Variants in CLVS1 observed in about 807,000 individuals in gnomAD.
The protein encoded by CLVS1 is clavesin 1.
CLVS1 carries 10 observed loss-of-function variants against 33.1 expected under a neutral mutation model. The observed-to-expected ratio is 0.30, with a 90% CI of 0.19 to 0.51. CLVS1 has a LOEUF of 0.51. Ranked by LOEUF, CLVS1 falls within the 20% of genes least tolerant of loss-of-function variation. CLVS1 has a pLI of 0.97. For missense variants in CLVS1, 343 were observed against 433.4 expected (o/e 0.79, Z 1.85); for synonymous variants, 163 against 166.1 (o/e 0.98, Z 0.14).
chr8:61,314,891 T>A (rs1176838632), intron 2 of CLVS1, among the ~76,000 whole-genome samples: 2 of 152,242 alleles, frequency 1.3e-5, no homozygotes, highest in Non-Finnish European at 2.9e-5. Flanking sequence ...GCTTGTTGAA[T>A]TATGTGTTAT....
At chr8:61,267,304 A>G (rs747773007) in intron 2 of CLVS1, among the ~76,000 whole-genome samples, 1 of 152,074 alleles carries the variant, frequency 6.6e-6, no homozygotes, top group African/African-American at 2.4e-5. Flanking sequence ...TCATTTTTCA[A>G]TTATGTATTT....
chr8:60,970,762 T>C, the CLVS1 span, among the ~76,000 whole-genome samples: 1 of 152,238 alleles, frequency 6.6e-6, no homozygotes, highest in Admixed American at 6.5e-5. Context: ...ACTTGGTATA[T>C]GTCATGCCAT....
upstream of CLVS1, among the ~76,000 whole-genome samples, chr8:61,285,110 T>C (rs948782671): frequency 1.3e-5 from 2 of 152,114 alleles, no homozygotes; most frequent in Non-Finnish European, 2.9e-5. Context: ...TGTGGAGCCT[T>C]ACAGAATTAA....
At chr8:61,321,670 A>G (rs1345587508) in intron 2 of CLVS1, among the ~76,000 whole-genome samples, 2 of 152,122 alleles carry the variant, frequency 1.3e-5, no homozygotes, top group Non-Finnish European at 2.9e-5. Flanking sequence ...TCCTCCTACC[A>G]GGGTGACCCT....
intron 1 of CLVS1, among the ~76,000 whole-genome samples, chr8:61,099,386 T>C (rs916663785): frequency 1.3e-5 from 2 of 152,078 alleles, no homozygotes; most frequent in African/African-American, 4.8e-5. Flanking sequence ...TGGACCTTTG[T>C]CTTTTTTTTA....
Position 61,499,518 on chromosome 8 carries a change from C to T in CLVS1, c.1041C>T (p.Thr347=), listed in dbSNP as rs144057634. The change falls in exon 6 of 6, where the codon ACC becomes ACT. Residue 347 remains threonine, a synonymous_variant. Coordinates refer to ENST00000325897, the MANE Select transcript of CLVS1 (RefSeq NM_173519.3). ...KHEEKGENEN[T]QPLLALD ...AGGAGAAGGGAGAGAATGAGAACAC[C>T]CAGCCACTCCTGGCTCTGGACTGAA... 3.1e-3 allele frequency: 5,058 copies of T among 1,613,586 alleles called. 32 individuals are homozygous for T. Among genetic ancestry groups the T allele is most frequent in the South Asian group, 0.014 (1,230 of 91,060 alleles).
At chr8:61,153,166 C>T (rs1179925723) in intron 2 of CLVS1, among the ~76,000 whole-genome samples, 1 of 152,042 alleles carries the variant, frequency 6.6e-6, no homozygotes, top group South Asian at 2.1e-4. Context: ...ATAGTACTAA[C>T]CATCAAATTA....
intron 3 of CLVS1, among the ~76,000 whole-genome samples, chr8:61,379,572 T>A (rs1813783001): frequency 6.6e-6 from 1 of 152,116 alleles, no homozygotes; most frequent in South Asian, 2.1e-4. Context: ...GGTTCCTAGT[T>A]CTCCATAAAG....
At chr8:61,326,190 G>A (rs1366961571) in intron 2 of CLVS1, among the ~76,000 whole-genome samples, 2 of 152,144 alleles carry the variant, frequency 1.3e-5, no homozygotes, top group Non-Finnish European at 2.9e-5. Context: ...TACAACAAAG[G>A]TACCCATTTG....
At chr8:61,301,084 C>T (rs1267786887) in intron 2 of CLVS1, 1 of 152,160 alleles carries the variant, frequency 6.6e-6, no homozygotes, top group African/African-American at 2.4e-5. Flanking sequence ...TAGGTTACAC[C>T]GTAGCCAGGG....
chr8:61,288,820 C>G (rs1311672391), intron 1 of CLVS1, among the ~76,000 whole-genome samples: 1 of 152,182 alleles, frequency 6.6e-6, no homozygotes, highest in Admixed American at 6.5e-5. Context: ...CGTCCGTTTC[C>G]TTTCCTAAGT....
chr8:61,053,910 A>G (rs1804428747), upstream of CLVS1, among the ~76,000 whole-genome samples: 1 of 152,206 alleles, frequency 6.6e-6, no homozygotes, highest in Non-Finnish European at 1.5e-5. Context: ...CCCTGACAAT[A>G]GCATTTGAGG....
At chr8:61,467,926 C>T (rs565467988) in intron 5 of CLVS1, among the ~76,000 whole-genome samples, 89 of 152,318 alleles carry the variant, frequency 5.8e-4, no homozygotes, top group African/African-American at 2.1e-3. Flanking sequence ...TTCTGTCCCC[C>T]ACAGGGTATG....
At chr8:61,093,682 C>T (rs927329100) in intron 1 of CLVS1, among the ~76,000 whole-genome samples, 6 of 152,192 alleles carry the variant, frequency 3.9e-5, no homozygotes, top group Non-Finnish European at 7.4e-5. Flanking sequence ...CTAAGCTGAT[C>T]TTCGTTGACT....
At chr8:61,439,097 A>G (rs1349371712) in intron 3 of CLVS1, among the ~76,000 whole-genome samples, 2 of 152,184 alleles carry the variant, frequency 1.3e-5, no homozygotes, top group East Asian at 1.9e-4. Flanking sequence ...TCCTTCCATC[A>G]TGCTTCCTTC....
chr8:61,035,485 G>A, the CLVS1 span, among the ~76,000 whole-genome samples: 11 of 152,182 alleles, frequency 7.2e-5, no homozygotes, highest in African/African-American at 2.7e-4. Context: ...GAGTAGATGT[G>A]CAATGGGCTG....
intron 2 of CLVS1, among the ~76,000 whole-genome samples, chr8:61,224,704 C>G (rs1296425049): frequency 2.0e-5 from 3 of 152,144 alleles, no homozygotes; most frequent in Non-Finnish European, 4.4e-5. Context: ...CAATCCTAGT[C>G]TCTGACAAAA....
At chr8:61,225,615 G>A (rs1808309175) in intron 2 of CLVS1, among the ~76,000 whole-genome samples, 1 of 152,048 alleles carries the variant, frequency 6.6e-6, no homozygotes, top group Admixed American at 6.5e-5. Flanking sequence ...GGTTTTACAG[G>A]ATATGAACCA....
the CLVS1 span, among the ~76,000 whole-genome samples, chr8:61,002,067 C>G: frequency 6.6e-6 from 1 of 152,126 alleles, no homozygotes; most frequent in African/African-American, 2.4e-5. Context: ...CAGCCTCCGC[C>G]TCTCAGGCTC....
Sources: allele counts gnomAD v4.1 joint callset (sites outside exome capture counted in the v4.1 genomes callset), GRCh38; gene constraint gnomAD v4.1.1; transcripts MANE v1.5; gene names NCBI Gene and HGNC (gene_info 2026-07-23, HGNC 2026-07-21).